ANTXR2: variants seen among roughly 807,000 people sequenced by gnomAD.
ANTXR2 encodes anthrax toxin receptor 2.
Under a neutral mutation model 73.7 loss-of-function variants are expected in ANTXR2, and 44 were observed. The ratio of observed to expected loss-of-function variants is 0.60; its 90% CI spans 0.47 to 0.77. The LOEUF is 0.77. ANTXR2 is among the 30% of genes least tolerant of loss of function. The pLI is 0.00. For missense variants in ANTXR2, 604 were observed against 592.5 expected (o/e 1.02, Z -0.20); for synonymous variants, 217 against 205.9 (o/e 1.05, Z -0.46).
At chr4:80,056,380 A>G (rs375244967) in intron 3 of ANTXR2, among the ~76,000 whole-genome samples, 18 of 151,912 alleles carry the variant, frequency 1.2e-4, no homozygotes, top group African/African-American at 3.9e-4. Flanking sequence ...CTTCAATGAC[A>G]AAGCATTTCT....
intron 12 of ANTXR2, among the ~76,000 whole-genome samples, chr4:79,988,346 T>C (rs1421730071): frequency 6.9e-6 from 1 of 144,246 alleles, no homozygotes; most frequent in Non-Finnish European, 1.5e-5. Context: ...ATAAGAGGGG[T>C]TGCAATTCTT....
chr4:79,903,072 C>G lies in ANTXR2; in HGVS notation c.*4357G>C, dbSNP rs1431312000. The G allele has an allele frequency of 6.6e-6, 1 of 151,846 alleles. No homozygotes were observed. The highest frequency in any genetic ancestry group is 1.5e-5 in the Non-Finnish European group (1 of 68,044). 9.4% of individuals were successfully genotyped at this position (151,846 alleles called of 1,614,324 possible). On this transcript the variant is annotated 3_prime_UTR_variant, in exon 17 of 17. Coordinates refer to ENST00000403729, the MANE Select transcript of ANTXR2 (RefSeq NM_058172.6). ...GCTGAGGGATGAGAATCACTTGAACCCAGGAAGAGGAGGTTACAGTCAGCC... is the reference window on the plus strand; with the variant it reads ...GCTGAGGGATGAGAATCACTTGAACGCAGGAAGAGGAGGTTACAGTCAGCC...
At chr4:80,051,810 G>A (rs914974418) in intron 7 of ANTXR2, among the ~76,000 whole-genome samples, 1 of 151,390 alleles carries the variant, frequency 6.6e-6, no homozygotes, top group African/African-American at 2.4e-5. Context: ...ATGAAGAAAG[G>A]CTCCAAAATA....
At chr4:79,966,496 A>G (rs980184113) in intron 16 of ANTXR2, among the ~76,000 whole-genome samples, 7 of 152,162 alleles carry the variant, frequency 4.6e-5, no homozygotes, top group Non-Finnish European at 8.8e-5. Context: ...AGCTGTGCCA[A>G]ATATACTCTA....
At chr4:79,935,273 TC>T (rs997347962) in intron 16 of ANTXR2, among the ~76,000 whole-genome samples, 1 of 151,674 alleles carries the variant, frequency 6.6e-6, no homozygotes, top group African/African-American at 2.4e-5. Context: ...AAGCACCCTT[TC>T]CTCCAGGCTG....
At chr4:79,959,640 C>G (rs115722802) in intron 16 of ANTXR2, among the ~76,000 whole-genome samples, 1 of 152,318 alleles carries the variant, frequency 6.6e-6, no homozygotes, top group East Asian at 1.9e-4. Context: ...GTGCTTAAGT[C>G]TAGTGGGCCT....
At chr4:80,069,085 C>A (rs1386868402) in intron 3 of ANTXR2, among the ~76,000 whole-genome samples, 2 of 152,134 alleles carry the variant, frequency 1.3e-5, no homozygotes, top group African/African-American at 4.8e-5. Context: ...CTTTCTCCCC[C>A]TCAATGTTCT....
At chr4:79,935,090 TAA>T in intron 16 of ANTXR2, among the ~76,000 whole-genome samples, 1 of 139,636 alleles carries the variant, frequency 7.2e-6, no homozygotes, top group Middle Eastern at 3.6e-3. Context: ...ACTTAAAGTA[TAA>T]AAAAAAAAAA....
chr4:80,002,199 T>C, intron 12 of ANTXR2, among the ~76,000 whole-genome samples: 1 of 152,144 alleles, frequency 6.6e-6, no homozygotes, highest in Non-Finnish European at 1.5e-5. Flanking sequence ...ATGGTACTGG[T>C]ACCAAAACAG....
At chr4:80,005,925 A>G (rs936316217) in intron 12 of ANTXR2, among the ~76,000 whole-genome samples, 2 of 152,136 alleles carry the variant, frequency 1.3e-5, no homozygotes, top group Admixed American at 1.3e-4. Flanking sequence ...GTCCTCCCCT[A>G]TGGGTTCATG....
intron 3 of ANTXR2, among the ~76,000 whole-genome samples, chr4:80,059,996 G>T (rs373903723): frequency 1.3e-5 from 2 of 152,058 alleles, no homozygotes; most frequent in African/African-American, 4.8e-5. Flanking sequence ...TTCTTTCTAC[G>T]ATGTGTCTGT....
chr4:80,004,221 AAAAT>A (rs905378003), intron 12 of ANTXR2, among the ~76,000 whole-genome samples: 15 of 151,998 alleles, frequency 9.9e-5, no homozygotes, highest in Middle Eastern at 3.4e-3. Flanking sequence ...ATTATGAAAA[AAAAT>A]AAAATAAAAA....
chr4:79,991,101 A>T (rs1476587333), intron 12 of ANTXR2, among the ~76,000 whole-genome samples: 1 of 152,022 alleles, frequency 6.6e-6, no homozygotes, highest in East Asian at 1.9e-4. Flanking sequence ...ATAAACAAGT[A>T]GGACCTAATT....
intron 16 of ANTXR2, among the ~76,000 whole-genome samples, chr4:79,937,007 AT>A (rs2109968922): frequency 6.6e-6 from 1 of 152,234 alleles, no homozygotes; most frequent in Non-Finnish European, 1.5e-5. Context: ...ATTTTAAAGC[AT>A]TTTTCATTTT....
intron 12 of ANTXR2, among the ~76,000 whole-genome samples, chr4:79,999,641 T>A (rs1420582164): frequency 6.6e-6 from 1 of 152,090 alleles, no homozygotes; most frequent in African/African-American, 2.4e-5. Flanking sequence ...TTTTAAAATA[T>A]GAGATATGGA....
chr4:80,012,974 G>A (rs1159398359), intron 11 of ANTXR2, among the ~76,000 whole-genome samples: 1 of 152,172 alleles, frequency 6.6e-6, no homozygotes, highest in Non-Finnish European at 1.5e-5. Flanking sequence ...AAGCCATAAA[G>A]GATTTAGCAC....
chr4:79,930,753 GA>G (rs1237379678), intron 16 of ANTXR2, among the ~76,000 whole-genome samples: 2 of 152,144 alleles, frequency 1.3e-5, no homozygotes, highest in Non-Finnish European at 2.9e-5. Flanking sequence ...TTCTAATTTG[GA>G]AGCAGTATGG....
chr4:80,036,462 A>T (rs962209606), intron 7 of ANTXR2, among the ~76,000 whole-genome samples: 2 of 152,142 alleles, frequency 1.3e-5, no homozygotes, highest in African/African-American at 4.8e-5. Context: ...TATCAATAAA[A>T]AAGCACTGCT....
At chr4:79,990,234 TA>T in intron 12 of ANTXR2, among the ~76,000 whole-genome samples, 1 of 149,900 alleles carries the variant, frequency 6.7e-6, no homozygotes, top group Non-Finnish European at 1.5e-5. Flanking sequence ...TAGAAAACCC[TA>T]AATATTCTTT....
Sources: gnomAD v4.1 joint callset for allele counts (sites outside exome capture counted in the v4.1 genomes callset) on GRCh38, gnomAD v4.1.1 for gene constraint, MANE v1.5 for transcripts, NCBI Gene and HGNC (gene_info 2026-07-23, HGNC 2026-07-21) for gene names.